PTPRG: variants seen among roughly 807,000 people sequenced by gnomAD.
The protein encoded by PTPRG is receptor-type tyrosine-protein phosphatase gamma.
In PTPRG, 102 loss-of-function variants were observed where a neutral mutation model predicts 165.3. The observed-to-expected ratio is 0.62, with a 90% confidence interval of 0.53 to 0.73. The LOEUF is 0.73. Ranked by LOEUF, PTPRG falls within the 30% of genes least tolerant of loss-of-function variation. The probability of loss-of-function intolerance (pLI) is 0.00; values close to 1 mark genes in which losing one functional copy is unlikely to be tolerated. For missense variants in PTPRG, 1,866 were observed against 1,861.4 expected, an observed-to-expected ratio of 1.00 and a Z score of -0.05; for synonymous variants, 675 against 669.5, an observed-to-expected ratio of 1.01 and a Z score of -0.13.
chr3:62,108,108 CATACGTATA>C (rs1325110476), intron 5 of PTPRG, among the ~76,000 whole-genome samples: 2 of 151,608 alleles, frequency 1.3e-5, no homozygotes, highest in African/African-American at 4.9e-5. Context: ...AGGTTTGTTA[CATACGTATA>C]CACGTGCCCT....
At chr3:62,049,725 AC>A (rs1200537118) in intron 4 of PTPRG, among the ~76,000 whole-genome samples, 2 of 152,188 alleles carry the variant, frequency 1.3e-5, no homozygotes, top group Non-Finnish European at 2.9e-5. Context: ...TGCAGTACTC[AC>A]CCTGCGTGGT....
intron 2 of PTPRG, among the ~76,000 whole-genome samples, chr3:61,939,410 A>G (rs888226771): frequency 7.2e-5 from 11 of 152,238 alleles, no homozygotes; most frequent in African/African-American, 2.7e-4. Flanking sequence ...GAACCTAAAG[A>G]AAAAGCCAGT....
intron 7 of PTPRG, among the ~76,000 whole-genome samples, chr3:62,160,521 A>C (rs1398348978): frequency 6.6e-6 from 1 of 152,272 alleles, no homozygotes; most frequent in African/African-American, 2.4e-5. Context: ...ACAAAATGGC[A>C]GCACTCTCGG....
Position 62,281,822 on chromosome 3 carries a change from G to C in PTPRG, c.3912+113G>C, listed in dbSNP as rs1206655531. On this transcript the variant is annotated intron_variant, in intron 27 of 29. Transcript: ENST00000474889. The stretch of plus-strand genomic sequence containing the variant: ...AAGCCAGGCTCAGGCATTTGAGTAA[G>C]ACTTAATTTTAAATATGTACATTTT... The C allele has an allele frequency of 1.5e-5, 16 of 1,056,386 alleles. No individual in the cohort carries two copies. In the East Asian group the frequency reaches 4.0e-4, roughly 26 times the overall value. The allele number at this position is 1,056,386 out of a possible 1,614,324, so 65.4% of individuals were successfully genotyped here. A position where few individuals can be genotyped will look rare whatever the true frequency, so the allele number is the denominator to read the frequency against.
chr3:62,086,911 A>C (rs1667840851), intron 5 of PTPRG, among the ~76,000 whole-genome samples: 1 of 152,188 alleles, frequency 6.6e-6, no homozygotes, highest in African/African-American at 2.4e-5. Flanking sequence ...ATTTCCTCTT[A>C]GTGGACATTA....
chr3:61,728,740 C>G (rs911147335), intron 1 of PTPRG, among the ~76,000 whole-genome samples: 7 of 151,834 alleles, frequency 4.6e-5, no homozygotes, highest in African/African-American at 1.7e-4. Context: ...AACCCATATG[C>G]TTAAAAGGAC....
intron 5 of PTPRG, among the ~76,000 whole-genome samples, chr3:62,097,144 G>T (rs541545797): frequency 6.6e-6 from 1 of 152,134 alleles, no homozygotes; most frequent in Non-Finnish European, 1.5e-5. Context: ...CTTTGGAACC[G>T]ATTGCCTTTG....
chr3:61,973,398 A>G (rs900866222), intron 2 of PTPRG, among the ~76,000 whole-genome samples: 4 of 152,354 alleles, frequency 2.6e-5, no homozygotes, highest in Admixed American at 6.5e-5. Context: ...TGCATCATTC[A>G]GGGTTTAGTT....
In PTPRG at chr3:61,738,981, T is replaced by G. The variant is rs1469320492; in HGVS notation, c.86-9897T>G. On this transcript the variant is annotated intron_variant, in intron 1 of 29. Transcript: ENST00000474889. ...GGTCTTGCTCTGTTGCTTTTTTTTT[T>G]TTTTTTTTTGTTTTTTTTTTTTTGG... The G allele has an allele frequency of 4.1e-4, 32 of 78,186 alleles. 1 individual carries two copies. The highest frequency in any genetic ancestry group is 1.7e-3 in the African/African-American group (29 of 16,664). 4.8% of individuals were successfully genotyped at this position (78,186 alleles called of 1,614,324 possible).
intron 2 of PTPRG, among the ~76,000 whole-genome samples, chr3:61,836,365 G>A (rs938931176): frequency 2.0e-5 from 3 of 152,138 alleles, no homozygotes; most frequent in Non-Finnish European, 4.4e-5. Flanking sequence ...GAAAGTGGTT[G>A]AAGTAATGCA....
At chr3:61,844,102 T>C (rs566872851) in intron 2 of PTPRG, among the ~76,000 whole-genome samples, 25 of 152,164 alleles carry the variant, frequency 1.6e-4, no homozygotes, top group Non-Finnish European at 3.2e-4. Flanking sequence ...TAGCTGGGAT[T>C]ACAGGCATGT....
At chr3:62,126,020 T>G (rs1362881168) in intron 5 of PTPRG, among the ~76,000 whole-genome samples, 1 of 152,218 alleles carries the variant, frequency 6.6e-6, no homozygotes, top group African/African-American at 2.4e-5. Context: ...TCTTCTGCTC[T>G]GGCTTTGAAA....
At chr3:61,922,012 T>A (rs964715296) in intron 2 of PTPRG, among the ~76,000 whole-genome samples, 2 of 152,204 alleles carry the variant, frequency 1.3e-5, no homozygotes, top group Non-Finnish European at 2.9e-5. Context: ...AGATTTAGTA[T>A]AAAGGAAGCT....
At position 62,214,642 on chromosome 3, in the gene PTPRG, G is replaced by A. The variant is rs951883265; in HGVS notation, c.2156-4209G>A. Reference sequence around the variant, plus strand: ...ATTATAATTGAGTATGATGTGTGCAGTAAGAGCAACACAAGATGATGATAG... The same window carrying A: ...ATTATAATTGAGTATGATGTGTGCAATAAGAGCAACACAAGATGATGATAG... On this transcript the variant is annotated intron_variant, in intron 12 of 29. Transcript: ENST00000474889. The surrounding 1 kb of genome is among the most constrained non-coding windows in gnomAD (Gnocchi z 5.2). Among the ~76,000 whole-genome samples, 2 of 152,180 alleles carry A rather than the reference G, an allele frequency of 1.3e-5. No individual in the cohort carries two copies. Among genetic ancestry groups the A allele is most frequent in the Non-Finnish European group, 2.9e-5 (2 of 68,034 alleles).
chr3:62,037,237 A>G (rs1699975315), intron 4 of PTPRG, among the ~76,000 whole-genome samples: 1 of 152,250 alleles, frequency 6.6e-6, no homozygotes, highest in East Asian at 1.9e-4. Context: ...ATAAGGATAC[A>G]TTTGCTCATA....
intron 2 of PTPRG, among the ~76,000 whole-genome samples, chr3:61,928,825 A>T (rs966178662): frequency 5.9e-5 from 9 of 152,186 alleles, no homozygotes; most frequent in Non-Finnish European, 1.3e-4. Flanking sequence ...CAGTCTATAG[A>T]TGTAATAAAA....
In PTPRG at chr3:62,217,311, C is replaced by T. The variant is rs1700536399; in HGVS notation, c.2156-1540C>T. On this transcript the variant is annotated intron_variant, in intron 12 of 29. Coordinates refer to ENST00000474889, the MANE Select transcript of PTPRG (RefSeq NM_002841.4). This position sits in a 1 kb window ranked among gnomAD's most constrained non-coding sequence, Gnocchi z 4.3. ...TCTTCTTACCTGTGAGCAGGGGATA[C>T]ATCAGGTCCTGTCTGCGTCACAGGC... 6.6e-6 allele frequency among the ~76,000 whole-genome samples: 1 copy of T among 152,180 alleles called. No individual in the cohort carries two copies. Among genetic ancestry groups the T allele is most frequent in the African/African-American group, 2.4e-5 (1 of 41,442 alleles).
rs1486441126 is a variant in PTPRG at position 62,259,711 on chromosome 3, A to G, written c.2560-3087A>G. On this transcript the variant is annotated intron_variant, in intron 16 of 29. Coordinates refer to ENST00000474889, the MANE Select transcript of PTPRG (RefSeq NM_002841.4). Reference sequence around the variant, plus strand: ...TTATGCTAGAGACCAGCTGCAGGATAATAATGCTGTGTTATACTCTCCAAA... The same window carrying G: ...TTATGCTAGAGACCAGCTGCAGGATGATAATGCTGTGTTATACTCTCCAAA... 2.6e-5 allele frequency among the ~76,000 whole-genome samples: 4 copies of G among 152,218 alleles called. 1 individual carries two copies. The highest frequency in any genetic ancestry group is 7.2e-5 in the African/African-American group (3 of 41,450).
intron 2 of PTPRG, among the ~76,000 whole-genome samples, chr3:61,983,985 G>T (rs1224784617): frequency 6.6e-6 from 1 of 152,136 alleles, no homozygotes. Context: ...CTGCCTTAAA[G>T]AAACTGAGTA....
Sources: allele counts gnomAD v4.1 joint callset (sites outside exome capture counted in the v4.1 genomes callset), GRCh38; gene constraint gnomAD v4.1.1; non-coding constraint Gnocchi (gnomAD v3.1); transcripts MANE v1.5; gene names NCBI Gene and HGNC (gene_info 2026-07-23, HGNC 2026-07-21).